The following ZNF729 variants were observed in gnomAD, a reference collection of about 807,000 sequenced individuals.
ZNF729 encodes the protein zinc finger protein 729.
ZNF729 carries 15 observed loss-of-function variants against 12.2 expected under a neutral mutation model. The observed-to-expected ratio is 1.23, with a 90% CI of 0.82 to 1.89. The LOEUF (loss-of-function observed/expected upper bound fraction) is 1.89, where lower values mean the gene tolerates loss of function less well. Ranked by LOEUF, ZNF729 falls within the 40% of genes most tolerant of loss-of-function variation. The pLI is 0.00. For synonymous variants in ZNF729, 492 were observed against 476.3 expected, an observed-to-expected ratio of 1.03 and a Z score of -0.43; for missense variants, 1,540 against 1,456.7, an observed-to-expected ratio of 1.06 and a Z score of -0.93.
intron 3 of ZNF729, among the ~76,000 whole-genome samples, chr19:22,312,543 T>A (rs1470442012): frequency 6.6e-6 from 1 of 152,008 alleles, no homozygotes; most frequent in Admixed American, 6.6e-5. Flanking sequence ...ATTTTTTGTG[T>A]GTGTGGTACT....
At position 22,316,187 on chromosome 19, in the gene ZNF729, A is replaced by C; in HGVS notation, c.2770A>C (p.Arg924=). Residue 924 remains arginine, a synonymous_variant, in exon 4 of 4, where the codon AGA becomes CGA. Transcript: ENST00000601693. Reference sequence around the variant, plus strand: ...AGCTTTTAAGCATTTCTCAGCCCTTAGAAAACATAAGATAATTCATACTGG... The same window carrying C: ...AGCTTTTAAGCATTTCTCAGCCCTTCGAAAACATAAGATAATTCATACTGG... ...GKAFKHFSAL[R]KHKIIHTGKK... 2.5e-6 allele frequency: 4 copies of C among 1,612,638 alleles called. No homozygotes were observed. The highest frequency in any genetic ancestry group is 2.5e-6 in the Non-Finnish European group (3 of 1,179,418).
chr19:22,316,836 C>T lies in ZNF729; in HGVS notation c.3419C>T (p.Ala1140Val). Residue 1140 changes from alanine (A) to valine (V), a missense_variant, in exon 4 of 4, where the codon GCC becomes GTC. By Grantham distance (64) the Ala-to-Val change is moderately conservative (BLOSUM62 0). Coordinates refer to ENST00000601693, the MANE Select transcript of ZNF729 (RefSeq NM_001242680.2). ...KPYKCEECGK[A>V]FSQSSILTKH... The stretch of plus-strand genomic sequence containing the variant: ...TACAAATGTGAAGAATGTGGCAAAG[C>T]CTTTAGTCAGTCCTCAATCCTTACT... 6.2e-7 allele frequency: 1 copy of T among 1,613,122 alleles called. No individual in the cohort carries two copies. Among genetic ancestry groups the T allele is most frequent in the Non-Finnish European group, 8.5e-7 (1 of 1,179,954 alleles).
intron 3 of ZNF729, among the ~76,000 whole-genome samples, chr19:22,311,953 T>G (rs778791651): frequency 4.6e-5 from 7 of 151,606 alleles, no homozygotes; most frequent in Non-Finnish European, 5.9e-5. Flanking sequence ...TGTCCCTCTT[T>G]GTTTTTTTTA....
chr19:22,308,411 G>A (rs986845152), intron 3 of ZNF729, among the ~76,000 whole-genome samples: 1 of 152,100 alleles, frequency 6.6e-6, no homozygotes, highest in Non-Finnish European at 1.5e-5. Context: ...TGGGTCAAAT[G>A]GTAGTATGAC....
intron 3 of ZNF729, among the ~76,000 whole-genome samples, chr19:22,305,571 A>G (rs1340292961): frequency 6.6e-6 from 1 of 152,050 alleles, no homozygotes; most frequent in Non-Finnish European, 1.5e-5. Context: ...CCATATTACT[A>G]TTATATAATA....
In ZNF729 at chr19:22,315,792, G is replaced by T; in HGVS notation, c.2375G>T (p.Gly792Val). ...ALMKHKVIHT[G>V]EKPYKCEECG... is the part of the protein sequence containing the mutation. ...ATGAAACATAAGGTAATTCATACTGGAGAGAAACCCTACAAGTGTGAAGAA... is the reference window on the plus strand; with the variant it reads ...ATGAAACATAAGGTAATTCATACTGTAGAGAAACCCTACAAGTGTGAAGAA... The change falls in exon 4 of 4, where the codon GGA becomes GTA. Residue 792 changes from glycine (G) to valine (V), a missense_variant. Physicochemically the swap from Gly to Val is moderately radical, Grantham distance 109. Coordinates refer to ENST00000601693, the MANE Select transcript of ZNF729 (RefSeq NM_001242680.2). 6.2e-7 allele frequency: 1 copy of T among 1,610,392 alleles called. No individual in the cohort carries two copies.
At chr19:22,294,265 A>G (rs897236046) in intron 1 of ZNF729, among the ~76,000 whole-genome samples, 1 of 152,202 alleles carries the variant, frequency 6.6e-6, no homozygotes, top group Non-Finnish European at 1.5e-5. Flanking sequence ...GTCAAAGATC[A>G]GTTGGTTATA....
chr19:22,298,554 C>G (rs895481053), intron 1 of ZNF729, among the ~76,000 whole-genome samples: 1 of 152,172 alleles, frequency 6.6e-6, no homozygotes, highest in South Asian at 2.1e-4. Context: ...GCTCTTGTCA[C>G]CCCGGCTGGA....
At chr19:22,308,711 A>G (rs555990559) in intron 3 of ZNF729, among the ~76,000 whole-genome samples, 1 of 151,608 alleles carries the variant, frequency 6.6e-6, no homozygotes, top group Non-Finnish European at 1.5e-5. Context: ...CTCAGTTTTG[A>G]TGGGATTGTT....
chr19:22,289,621 T>A (rs1464426826), intron 1 of ZNF729, among the ~76,000 whole-genome samples: 11 of 152,312 alleles, frequency 7.2e-5, no homozygotes, highest in Middle Eastern at 6.8e-3. Flanking sequence ...AAGGCTTAAC[T>A]TTTAGAATGC....
At position 22,286,567 on chromosome 19, in the gene ZNF729, G is replaced by A. The variant is rs1968080403; in HGVS notation, c.30+12G>A. On this transcript the variant is annotated intron_variant, in intron 1 of 3. Transcript: ENST00000601693. The stretch of plus-strand genomic sequence containing the variant: ...GCAGCCTAGAAATGGTGAGAGTGCC[G>A]GGTCCGACATCCCGAGAAGGGGAAG... 1.2e-6 allele frequency: 2 copies of A among 1,613,936 alleles called. No homozygotes were observed. Among genetic ancestry groups the A allele is most frequent in the South Asian group, 2.2e-5 (2 of 91,062 alleles).
At chr19:22,309,955 G>A (rs1441899863) in intron 3 of ZNF729, among the ~76,000 whole-genome samples, 5 of 149,832 alleles carry the variant, frequency 3.3e-5, no homozygotes, top group African/African-American at 9.9e-5. Flanking sequence ...AAGTTTTTGG[G>A]GTTTTTTTTT....
chr19:22,304,628 A>C (rs1968356443), intron 2 of ZNF729, 60 bp from the exon 3 acceptor site: 10 of 1,385,120 alleles, frequency 7.2e-6, no homozygotes, highest in Non-Finnish European at 1.0e-5. Context: ...ATTCTCTTTA[A>C]TGAGCATATT....
intron 3 of ZNF729, among the ~76,000 whole-genome samples, chr19:22,308,009 C>T (rs1456588297): frequency 1.3e-5 from 2 of 151,844 alleles, no homozygotes; most frequent in Non-Finnish European, 2.9e-5. Context: ...TTTTATCCCT[C>T]GTTTCCCTCC....
At chr19:22,301,993 C>A (rs1385919095) in intron 1 of ZNF729, among the ~76,000 whole-genome samples, 1 of 152,312 alleles carries the variant, frequency 6.6e-6, no homozygotes, top group African/African-American at 2.4e-5. Context: ...ACTGGAAACC[C>A]TCTCACAATC....
At chr19:22,303,109 T>C (rs757576240) in intron 1 of ZNF729, among the ~76,000 whole-genome samples, 3 of 152,180 alleles carry the variant, frequency 2.0e-5, no homozygotes, top group Non-Finnish European at 1.5e-5. Context: ...TGTGCACCAG[T>C]GATCACATTT....
chr19:22,315,806 A>G lies in ZNF729; in HGVS notation c.2389A>G (p.Lys797Glu). The G allele has an allele frequency of 3.7e-6, 6 of 1,610,836 alleles. No individual in the cohort carries two copies. The highest frequency in any genetic ancestry group is 4.2e-6 in the Non-Finnish European group (5 of 1,179,684). ...KVIHTGEKPY[K>E]CEECGKAFKW... ...AATTCATACTGGAGAGAAACCCTAC[A>G]AGTGTGAAGAATGTGGTAAAGCTTT... The change falls in exon 4 of 4, where the codon AAG becomes GAG. Residue 797 changes from lysine (K) to glutamate (E), a missense_variant. By Grantham distance (56) the Lys-to-Glu change is moderately conservative (BLOSUM62 1). Coordinates refer to ENST00000601693, the MANE Select transcript of ZNF729 (RefSeq NM_001242680.2).
At chr19:22,301,956 T>C (rs1456296083) in intron 1 of ZNF729, among the ~76,000 whole-genome samples, 1 of 152,312 alleles carries the variant, frequency 6.6e-6, no homozygotes, top group Non-Finnish European at 1.5e-5. Context: ...TCTGCCTGGC[T>C]CATCATTGGG....
chr19:22,286,612 G>C (rs1393392009), intron 1 of ZNF729, 57 bp downstream of exon 1: 1 of 1,610,290 alleles, frequency 6.2e-7, no homozygotes, highest in East Asian at 2.2e-5. Context: ...GGAACCGGTG[G>C]GAAGTGGCTG....
Sources: allele counts gnomAD v4.1 joint callset (sites outside exome capture counted in the v4.1 genomes callset), GRCh38; gene constraint gnomAD v4.1.1; transcripts MANE v1.5; gene names NCBI Gene and HGNC (gene_info 2026-07-23, HGNC 2026-07-21).